Variants in GPBP1 observed in about 807,000 individuals in gnomAD.
GPBP1 encodes vasculin.
In GPBP1, 13 loss-of-function variants were observed where a neutral mutation model predicts 56.5. The ratio of observed to expected loss-of-function variants is 0.23; its 90% CI spans 0.15 to 0.37. The LOEUF is 0.37. Among genes scored for constraint, GPBP1 ranks in the 10% least tolerant of loss-of-function variants. GPBP1 has a pLI of 1.00. For missense variants in GPBP1, 477 were observed against 572.3 expected (o/e 0.83, Z 1.70); for synonymous variants, 204 against 188.9 (o/e 1.08, Z -0.66).
At chr5:57,187,094 A>G (rs1254316481) in intron 2 of GPBP1, among the ~76,000 whole-genome samples, 1 of 151,952 alleles carries the variant, frequency 6.6e-6, no homozygotes, top group Admixed American at 6.6e-5. Flanking sequence ...CATAAATAAA[A>G]TAGTATTTGA....
chr5:57,214,105 C>G lies in GPBP1; in HGVS notation c.-26C>G. 1 of 1,607,946 alleles carries G rather than the reference C, an allele frequency of 6.2e-7. No individual in the cohort carries two copies. The highest frequency in any genetic ancestry group is 8.5e-7 in the Non-Finnish European group (1 of 1,174,448). The stretch of plus-strand genomic sequence containing the variant: ...GCCATGAGGTGTTGAAGCCTTGTTT[C>G]ACTGAGTTGGAGAGACTGGACCTAA... On this transcript the variant is annotated 5_prime_UTR_variant, in exon 3 of 12. Coordinates refer to ENST00000506184, the MANE Select transcript of GPBP1 (RefSeq NM_022913.4).
At chr5:57,221,753 A>G (rs1000938141) in intron 3 of GPBP1, among the ~76,000 whole-genome samples, 4 of 152,200 alleles carry the variant, frequency 2.6e-5, no homozygotes, top group African/African-American at 9.6e-5. Flanking sequence ...CTGTACCAAA[A>G]CTTTCCTTTG....
chr5:57,192,612 G>C (rs1370428369), intron 2 of GPBP1, among the ~76,000 whole-genome samples: 1 of 151,980 alleles, frequency 6.6e-6, no homozygotes, highest in Non-Finnish European at 1.5e-5. Context: ...AATTAGCCTG[G>C]CGTGATGGTG....
chr5:57,239,854 G>C (rs1740741670), intron 6 of GPBP1, among the ~76,000 whole-genome samples: 1 of 152,006 alleles, frequency 6.6e-6, no homozygotes, highest in African/African-American at 2.4e-5. Flanking sequence ...ATTTTTTTTG[G>C]TATTAAAACT....
At chr5:57,180,268 C>T (rs1753982465) in intron 2 of GPBP1, among the ~76,000 whole-genome samples, 1 of 152,110 alleles carries the variant, frequency 6.6e-6, no homozygotes, top group Admixed American at 6.6e-5. Context: ...GTCCCCGCTG[C>T]CATGCCCAGC....
chr5:57,241,708 A>C, intron 6 of GPBP1, among the ~76,000 whole-genome samples: 1 of 152,126 alleles, frequency 6.6e-6, no homozygotes, highest in East Asian at 1.9e-4. Context: ...GGTGAGGTTG[A>C]TGTAATAAGC....
intron 1 of GPBP1, among the ~76,000 whole-genome samples, chr5:57,174,825 T>C (rs945617300): frequency 3.9e-5 from 6 of 152,190 alleles, no homozygotes; most frequent in South Asian, 4.1e-4. Context: ...AAACCTGTTT[T>C]CTTAATTCGA....
chr5:57,205,209 C>T (rs1294225848), intron 2 of GPBP1, among the ~76,000 whole-genome samples: 3 of 152,174 alleles, frequency 2.0e-5, no homozygotes, highest in African/African-American at 7.2e-5. Context: ...ACAACGTGAT[C>T]TTTTGTGTCT....
At chr5:57,182,618 G>GCCCA (rs1754104939) in intron 2 of GPBP1, among the ~76,000 whole-genome samples, 1 of 151,610 alleles carries the variant, frequency 6.6e-6, no homozygotes, top group African/African-American at 2.4e-5. Flanking sequence ...TGATCCACCT[G>GCCCA]CCTCAGCCTC....
chr5:57,251,257 A>C, intron 10 of GPBP1, 116 bp downstream of exon 10: 1 of 869,214 alleles, frequency 1.2e-6, no homozygotes, highest in Non-Finnish European at 1.8e-6. Context: ...CATAAATTTC[A>C]CCCATTATGA....
chr5:57,223,483 T>TGAA (rs1208146849), intron 3 of GPBP1, among the ~76,000 whole-genome samples: 4 of 152,158 alleles, frequency 2.6e-5, no homozygotes, highest in African/African-American at 7.2e-5. Context: ...TTGAAACTTT[T>TGAA]TCAAGAATAC....
At chr5:57,242,358 C>T (rs1461458560) in intron 6 of GPBP1, among the ~76,000 whole-genome samples, 1 of 152,046 alleles carries the variant, frequency 6.6e-6, no homozygotes, top group Non-Finnish European at 1.5e-5. Context: ...CAGACAAGAG[C>T]TATTGTTTTT....
At chr5:57,254,157 C>G (rs1741525482) in intron 10 of GPBP1, among the ~76,000 whole-genome samples, 1 of 152,182 alleles carries the variant, frequency 6.6e-6, no homozygotes, top group Admixed American at 6.5e-5. Flanking sequence ...AACTCTTGGG[C>G]TCAAGCGATC....
chr5:57,262,639 T>C lies in GPBP1; in HGVS notation c.1309T>C (p.Leu437=), dbSNP rs767292674. The change falls in exon 12 of 12, where the codon TTG becomes CTG. Residue 437 remains leucine (L), a synonymous_variant. Coordinates refer to ENST00000506184, the MANE Select transcript of GPBP1 (RefSeq NM_022913.4). The stretch of plus-strand genomic sequence containing the variant: ...AAAAAATGGTATTTTGAAAAATGGC[T>C]TGATCTGTGACTTCAAGTTTGGACC... The part of the protein sequence containing the change: ...LRKNGILKNG[L]ICDFKFGPWK... 6.2e-7 allele frequency: 1 copy of C among 1,613,776 alleles called. No homozygotes were observed. Among genetic ancestry groups the C allele is most frequent in the Non-Finnish European group, 8.5e-7 (1 of 1,179,718 alleles).
chr5:57,185,904 A>C lies in GPBP1; in HGVS notation c.-58+9504A>C, dbSNP rs141180096. 4.7e-3 allele frequency among the ~76,000 whole-genome samples: 712 copies of C among 151,994 alleles called. 8 individuals carry two copies. Among genetic ancestry groups the C allele is most frequent in the African/African-American group, 0.016 (661 of 41,482 alleles). On this transcript the variant is annotated intron_variant, in intron 2 of 11. Coordinates refer to ENST00000506184, the MANE Select transcript of GPBP1 (RefSeq NM_022913.4). ...CAGTCCCACCTACTGCAGAGGCTTG[A>C]GCCCAGGAGGTAGAGGTTGCAGCCT...
chr5:57,190,090 T>C (rs139244614), intron 2 of GPBP1, among the ~76,000 whole-genome samples: 13 of 150,666 alleles, frequency 8.6e-5, no homozygotes, highest in African/African-American at 3.1e-4. Context: ...CTCATTTGTT[T>C]ACTGTTGTAG....
chr5:57,246,183 A>C, intron 6 of GPBP1, 117 bp from the exon 7 acceptor site: 1 of 598,808 alleles, frequency 1.7e-6, no homozygotes, highest in Non-Finnish European at 2.9e-6. Flanking sequence ...TTTACCCAGG[A>C]GGCAGCTGTT....
intron 2 of GPBP1, among the ~76,000 whole-genome samples, chr5:57,209,235 TGTA>T (rs1755372296): frequency 6.6e-6 from 1 of 152,204 alleles, no homozygotes; most frequent in South Asian, 2.1e-4. Flanking sequence ...TTAGAATTTA[TGTA>T]AGATCATGTA....
chr5:57,178,114 G>A (rs1753875600), intron 2 of GPBP1, among the ~76,000 whole-genome samples: 1 of 152,034 alleles, frequency 6.6e-6, no homozygotes, highest in Admixed American at 6.6e-5. Context: ...ACTTGGGAGA[G>A]CATGTATTTT....
Sources: gnomAD v4.1 joint callset for allele counts (sites outside exome capture counted in the v4.1 genomes callset) on GRCh38, gnomAD v4.1.1 for gene constraint, MANE v1.5 for transcripts, NCBI Gene and HGNC (gene_info 2026-07-23, HGNC 2026-07-21) for gene names.